The following PACC1 variants were observed in gnomAD, a reference collection of about 807,000 sequenced individuals.
PACC1 encodes proton activated chloride channel 1, also known as proton-activated chloride channel.
In PACC1, 34 loss-of-function variants were observed where a neutral mutation model predicts 39.7. The ratio of observed to expected loss-of-function variants is 0.86; its 90% CI spans 0.65 to 1.14. The LOEUF (loss-of-function observed/expected upper bound fraction) is 1.14. PACC1 is among the 50% of genes most tolerant of loss of function. The probability of loss-of-function intolerance (pLI) is 0.00; values close to 1 mark genes in which losing one functional copy is unlikely to be tolerated. For missense variants in PACC1, 379 were observed against 436.4 expected (o/e 0.87, Z 1.17); for synonymous variants, 127 against 160.6 (o/e 0.79, Z 1.58).
At chr1:212,405,487 TCA>T (rs1274177264) in intron 2 of PACC1, among the ~76,000 whole-genome samples, 1 of 152,094 alleles carries the variant, frequency 6.6e-6, no homozygotes, top group African/African-American at 2.4e-5. Flanking sequence ...CAAGGAAGGC[TCA>T]GAAGGAGGGA....
intron 2 of PACC1, among the ~76,000 whole-genome samples, chr1:212,396,842 ATCTATCT>A (rs1661544917): frequency 7.6e-6 from 1 of 132,306 alleles, no homozygotes; most frequent in Non-Finnish European, 1.6e-5. Context: ...CTATCTATCT[ATCTATCT>A]ATTACATATA....
chr1:212,368,286 G>C (rs1001784257), intron 7 of PACC1, among the ~76,000 whole-genome samples: 2 of 152,182 alleles, frequency 1.3e-5, no homozygotes, highest in African/African-American at 4.8e-5. Context: ...AACAAGGGCA[G>C]ACTGTGAAGA....
chr1:212,372,445 A>C lies in PACC1; in HGVS notation c.891+2748T>G, dbSNP rs540092407. 2.0e-5 allele frequency among the ~76,000 whole-genome samples: 3 copies of C among 152,330 alleles called. No homozygotes were observed. In the South Asian group the frequency reaches 6.2e-4, roughly 32 times the overall value. The stretch of plus-strand genomic sequence containing the variant: ...TTCTTCTAAGATCTGGAACAAGACA[A>C]GGGTGCCTACTTTCATTATTTTTGT... On this transcript the variant is annotated intron_variant, in intron 7 of 7. Transcript: ENST00000261455.
intron 7 of PACC1, among the ~76,000 whole-genome samples, chr1:212,373,292 T>C (rs955210233): frequency 2.0e-5 from 3 of 152,150 alleles, no homozygotes; most frequent in Non-Finnish European, 1.5e-5. Context: ...CTGGGAAAAT[T>C]GGATATCCAT....
intron 7 of PACC1, among the ~76,000 whole-genome samples, chr1:212,366,577 G>A (rs577204793): frequency 4.7e-4 from 71 of 152,050 alleles, no homozygotes; most frequent in Non-Finnish European, 9.1e-4. Context: ...ATACTTCTAA[G>A]CTCAATTTAG....
intron 2 of PACC1, among the ~76,000 whole-genome samples, chr1:212,407,520 G>A (rs1246854821): frequency 1.3e-5 from 2 of 152,216 alleles, no homozygotes; most frequent in Non-Finnish European, 2.9e-5. Context: ...CTTTCAAGTT[G>A]TTCTCCCGGG....
At chr1:212,371,051 T>C (rs925850024) in intron 7 of PACC1, among the ~76,000 whole-genome samples, 1 of 151,840 alleles carries the variant, frequency 6.6e-6, no homozygotes, top group African/African-American at 2.4e-5. Flanking sequence ...AACAAGACCA[T>C]CCTGGCCAAA....
intron 2 of PACC1, among the ~76,000 whole-genome samples, chr1:212,402,323 CTTA>C (rs753810924): frequency 6.6e-5 from 10 of 152,166 alleles, no homozygotes; most frequent in Non-Finnish European, 1.3e-4. Context: ...CTTGCCAAAA[CTTA>C]TTATCCACTT....
At chr1:212,385,147 C>CT in intron 4 of PACC1, 127 bp downstream of exon 4, 1 of 1,091,302 alleles carries the variant, frequency 9.2e-7, no homozygotes, top group Non-Finnish European at 1.3e-6. Context: ...CGCATGTCTC[C>CT]TTGGGGACTA....
intron 4 of PACC1, among the ~76,000 whole-genome samples, chr1:212,384,363 G>A (rs748385004): frequency 3.9e-4 from 60 of 152,136 alleles, no homozygotes; most frequent in Non-Finnish European, 1.3e-4. Context: ...ACCCAAGGGA[G>A]CAAGTGTGGC....
chr1:212,401,737 C>A (rs1661723590), intron 2 of PACC1, among the ~76,000 whole-genome samples: 1 of 148,844 alleles, frequency 6.7e-6, no homozygotes, highest in Non-Finnish European at 1.5e-5. Flanking sequence ...GCAGTGGCAC[C>A]ATCTTGGCTC....
intron 4 of PACC1, among the ~76,000 whole-genome samples, chr1:212,380,643 C>T (rs1275561953): frequency 6.6e-6 from 1 of 152,158 alleles, no homozygotes; most frequent in Non-Finnish European, 1.5e-5. Flanking sequence ...TCTTCCCCTC[C>T]CTCCTTTATC....
intron 1 of PACC1, among the ~76,000 whole-genome samples, chr1:212,413,498 T>C (rs963147721): frequency 6.6e-6 from 1 of 152,170 alleles, no homozygotes; most frequent in Non-Finnish European, 1.5e-5. Flanking sequence ...ATGGAACACA[T>C]GGAACTTGAG....
chr1:212,364,516 C>A lies in PACC1; in HGVS notation c.*699G>T, dbSNP rs1206191166. ...TTTATTTACCTGTTAATGAAATCATCAAAATACAATGAGTAGGCACCTTCT... is the reference window on the plus strand; with the variant it reads ...TTTATTTACCTGTTAATGAAATCATAAAAATACAATGAGTAGGCACCTTCT... On this transcript the variant is annotated 3_prime_UTR_variant, in exon 8 of 8. Transcript: ENST00000261455. 3 of 152,606 alleles carry A rather than the reference C, an allele frequency of 2.0e-5. No individual in the cohort carries two copies. The highest frequency in any genetic ancestry group is 4.4e-5 in the Non-Finnish European group (3 of 68,026). The allele number at this position is 152,606 out of a possible 1,614,324, so 9.5% of individuals were successfully genotyped here. A position where few individuals can be genotyped will look rare whatever the true frequency, so the allele number is the denominator to read the frequency against.
chr1:212,414,795 C>A lies in PACC1; in HGVS notation c.-38G>T, dbSNP rs944393280. On this transcript the variant is annotated 5_prime_UTR_variant, in exon 1 of 8. Transcript: ENST00000261455. ...AGCTTCGGCACACCTGAGACCGCCC[C>A]AGCCCGCGGCGCACGGACGCAGCAC... 5.0e-6 allele frequency: 8 copies of A among 1,609,188 alleles called. No homozygotes were observed. Among genetic ancestry groups the A allele is most frequent in the Non-Finnish European group, 6.8e-6 (8 of 1,176,180 alleles).
intron 5 of PACC1, 48 bp from the exon 6 acceptor site, chr1:212,377,754 C>A: frequency 6.2e-7 from 1 of 1,601,278 alleles, no homozygotes; most frequent in South Asian, 1.1e-5. Context: ...GCAGGTCTGG[C>A]AGCAGGAGTC....
Position 212,386,871 on chromosome 1 carries a change from G to A in PACC1, c.343+20C>T, listed in dbSNP as rs1054021150. 1.9e-6 allele frequency: 3 copies of A among 1,612,600 alleles called. No homozygotes were observed. The Admixed American group carries it at 5.0e-5, about 27-fold the overall frequency. On this transcript the variant is annotated intron_variant, in intron 3 of 7. Coordinates refer to ENST00000261455, the MANE Select transcript of PACC1 (RefSeq NM_018252.3). The surrounding 1 kb of genome is among the most constrained non-coding windows in gnomAD (Gnocchi z 5.0). Reference sequence around the variant, plus strand: ...CCCTAGATCTGGGGCCCTGATGCCTGGCCCAGGGGCAGGCTCTACCTGGGG... The same window carrying A: ...CCCTAGATCTGGGGCCCTGATGCCTAGCCCAGGGGCAGGCTCTACCTGGGG...
chr1:212,405,124 ATTT>A (rs1472893169), intron 2 of PACC1, among the ~76,000 whole-genome samples: 8 of 152,032 alleles, frequency 5.3e-5, no homozygotes, highest in African/African-American at 1.9e-4. Flanking sequence ...TGACTCTACC[ATTT>A]CTTTGGCCCT....
At chr1:212,368,471 A>G (rs1452616228) in intron 7 of PACC1, among the ~76,000 whole-genome samples, 1 of 152,128 alleles carries the variant, frequency 6.6e-6, no homozygotes, top group Non-Finnish European at 1.5e-5. Flanking sequence ...AACTCCAGGA[A>G]CTTCAATGAA....
Sources: gnomAD v4.1 joint callset for allele counts (sites outside exome capture counted in the v4.1 genomes callset) on GRCh38, gnomAD v4.1.1 for gene constraint, Gnocchi (gnomAD v3.1) non-coding constraint, MANE v1.5 for transcripts, NCBI Gene and HGNC (gene_info 2026-07-23, HGNC 2026-07-21) for gene names.